Variants in SHISAL1 observed in about 807,000 individuals in gnomAD.
The protein encoded by SHISAL1 is shisa like 1.
A neutral mutation model predicts 22.6 loss-of-function variants in SHISAL1; 9 were observed. The ratio of observed to expected loss-of-function variants is 0.40; its 90% confidence interval spans 0.24 to 0.70. The LOEUF (loss-of-function observed/expected upper bound fraction) is 0.70, where lower values mean the gene tolerates loss of function less well. Among genes scored for constraint, SHISAL1 ranks in the 30% least tolerant of loss-of-function variants. The pLI, the probability that SHISAL1 is intolerant of heterozygous loss-of-function variation, is 0.39. For synonymous variants in SHISAL1, 119 were observed against 115.4 expected (o/e 1.03, Z -0.20); for missense variants, 246 against 270.6 (o/e 0.91, Z 0.64).
chr22:44,331,063 C>G, the SHISAL1 span, among the ~76,000 whole-genome samples: 76 of 152,232 alleles, frequency 5.0e-4, no homozygotes, highest in Admixed American at 3.8e-3. This position sits in a 1 kb window ranked among gnomAD's most constrained non-coding sequence, Gnocchi z 5.2. Flanking sequence ...CCAGTCCCCC[C>G]CTTGGACGCG....
At chr22:44,313,246 G>A (rs2055533286), upstream of SHISAL1, among the ~76,000 whole-genome samples, 1 of 152,266 alleles carries the variant, frequency 6.6e-6, no homozygotes, top group African/African-American at 2.4e-5. Flanking sequence ...GCAGATGCTT[G>A]GCACAATACA....
chr22:44,244,390 C>G lies in SHISAL1; in HGVS notation c.*5295G>C, dbSNP rs1249379366. ...TGGGAGCCCATTACCATTTATGGGACAGTGTCGTGAATGGTGCCTCCTGGA... is the reference window on the plus strand; with the variant it reads ...TGGGAGCCCATTACCATTTATGGGAGAGTGTCGTGAATGGTGCCTCCTGGA... On this transcript the variant is annotated 3_prime_UTR_variant, in exon 5 of 5. Coordinates refer to ENST00000381176, the MANE Select transcript of SHISAL1 (RefSeq NM_001099294.2). 2.0e-5 allele frequency: 3 copies of G among 152,196 alleles called. No homozygotes were observed. The highest frequency in any genetic ancestry group is 4.4e-5 in the Non-Finnish European group (3 of 68,064). The allele number at this position is 152,196 out of a possible 1,614,324, so 9.4% of individuals were successfully genotyped here. A position where few individuals can be genotyped will look rare whatever the true frequency, so the allele number is the denominator to read the frequency against.
chr22:44,300,691 C>A (rs2055421851), intron 2 of SHISAL1, among the ~76,000 whole-genome samples, 188 bp downstream of exon 2: 1 of 152,122 alleles, frequency 6.6e-6, no homozygotes. Flanking sequence ...GACAGAGAGA[C>A]AGAGACAGAC....
rs563782067 is a variant in SHISAL1 at position 44,250,585 on chromosome 22, G to A, written c.*-900C>T. ...CCAGTCACAAATACTTACCTTCCCCGACTCCCTTGCAAGCAGGGGTGGTCA... is the reference window on the plus strand; with the variant it reads ...CCAGTCACAAATACTTACCTTCCCCAACTCCCTTGCAAGCAGGGGTGGTCA... On this transcript the variant is annotated intron_variant, in intron 4 of 4. Transcript: ENST00000381176. Among the ~76,000 whole-genome samples the A allele has an allele frequency of 2.2e-4, 34 of 152,200 alleles. No individual in the cohort carries two copies. The South Asian group carries it at 2.5e-3, about 11-fold the overall frequency.
At chr22:44,299,335 G>A (rs940963873) in intron 2 of SHISAL1, among the ~76,000 whole-genome samples, 5 of 152,226 alleles carry the variant, frequency 3.3e-5, no homozygotes, top group Non-Finnish European at 5.9e-5. Context: ...CCTGCATCTG[G>A]ATGGCCCTGA....
chr22:44,256,710 C>T (rs2055087226), intron 4 of SHISAL1, among the ~76,000 whole-genome samples: 1 of 152,118 alleles, frequency 6.6e-6, no homozygotes, highest in Admixed American at 6.6e-5. Context: ...TGCTTTTGGC[C>T]CATGACTGTA....
At chr22:44,258,220 C>G (rs1323724669) in intron 4 of SHISAL1, among the ~76,000 whole-genome samples, 1 of 152,140 alleles carries the variant, frequency 6.6e-6, no homozygotes, top group Non-Finnish European at 1.5e-5. Flanking sequence ...GCAGGAGAAT[C>G]ACTCGAATCC....
chr22:44,293,293 G>A (rs900020310), intron 3 of SHISAL1, among the ~76,000 whole-genome samples: 1 of 152,206 alleles, frequency 6.6e-6, no homozygotes, highest in Admixed American at 6.5e-5. Context: ...GAGGGAAGGC[G>A]GCGAGAAGAT....
At chr22:44,311,131 C>T (rs2055515073) in intron 1 of SHISAL1, among the ~76,000 whole-genome samples, 1 of 151,976 alleles carries the variant, frequency 6.6e-6, no homozygotes, top group Non-Finnish European at 1.5e-5. Flanking sequence ...CCTAGAAACC[C>T]AACTCCAGGG....
intron 4 of SHISAL1, among the ~76,000 whole-genome samples, chr22:44,254,956 T>C (rs1037730280): frequency 6.6e-6 from 1 of 152,140 alleles, no homozygotes; most frequent in African/African-American, 2.4e-5. Flanking sequence ...ATAAACCCAG[T>C]GGTCAATTCT....
At chr22:44,263,415 G>C (rs1216865170) in intron 4 of SHISAL1, among the ~76,000 whole-genome samples, 1 of 152,160 alleles carries the variant, frequency 6.6e-6, no homozygotes, top group Non-Finnish European at 1.5e-5. Context: ...GACCTGAAAG[G>C]GGGAGATGCT....
chr22:44,254,518 A>C (rs915192756), intron 4 of SHISAL1, among the ~76,000 whole-genome samples: 34 of 152,166 alleles, frequency 2.2e-4, no homozygotes, highest in Admixed American at 2.0e-3. Context: ...GCACCACCAC[A>C]CCTAGCTAAT....
At chr22:44,291,449 G>T (rs1176164538) in intron 3 of SHISAL1, among the ~76,000 whole-genome samples, 1 of 152,216 alleles carries the variant, frequency 6.6e-6, no homozygotes, top group African/African-American at 2.4e-5. Flanking sequence ...TAGTGAACGG[G>T]GCTAGTGGAA....
intron 4 of SHISAL1, among the ~76,000 whole-genome samples, chr22:44,250,986 G>A (rs1245762978): frequency 6.6e-6 from 1 of 152,188 alleles, no homozygotes; most frequent in Admixed American, 6.5e-5. Context: ...TGTGTACAGG[G>A]GCTAAGGGTG....
intron 4 of SHISAL1, among the ~76,000 whole-genome samples, chr22:44,270,682 T>C (rs1033873138): frequency 6.6e-6 from 1 of 151,288 alleles, no homozygotes; most frequent in Non-Finnish European, 1.5e-5. Flanking sequence ...GGGTGGATGG[T>C]CGGAAAGAAG....
the SHISAL1 span, among the ~76,000 whole-genome samples, chr22:44,324,925 G>A: frequency 6.6e-6 from 1 of 152,160 alleles, no homozygotes; most frequent in African/African-American, 2.4e-5. Flanking sequence ...GCGCCCAGAA[G>A]CTTGAACAAT....
intron 4 of SHISAL1, among the ~76,000 whole-genome samples, chr22:44,277,019 G>A (rs1287372761): frequency 1.3e-5 from 2 of 152,246 alleles, no homozygotes; most frequent in Non-Finnish European, 2.9e-5. Flanking sequence ...CTCTGCCTAA[G>A]CTGCTCTCTC....
intron 1 of SHISAL1, among the ~76,000 whole-genome samples, chr22:44,312,313 C>G (rs988781134): frequency 6.6e-6 from 1 of 152,204 alleles, no homozygotes; most frequent in Non-Finnish European, 1.5e-5. Flanking sequence ...CCCCGTGAAG[C>G]CAACCAAATG....
intron 4 of SHISAL1, among the ~76,000 whole-genome samples, chr22:44,252,308 G>A (rs756843123): frequency 1.2e-4 from 19 of 152,172 alleles, no homozygotes; most frequent in Non-Finnish European, 2.6e-4. Flanking sequence ...GAGACAAGAG[G>A]AGGGGAAGTA....
Sources: gnomAD v4.1 joint callset for allele counts (sites outside exome capture counted in the v4.1 genomes callset) on GRCh38, gnomAD v4.1.1 for gene constraint, Gnocchi (gnomAD v3.1) non-coding constraint, MANE v1.5 for transcripts, NCBI Gene and HGNC (gene_info 2026-07-23, HGNC 2026-07-21) for gene names.